The following HS6ST1 variants were observed in gnomAD, a reference collection of about 807,000 sequenced individuals.
The protein encoded by HS6ST1 is heparan-sulfate 6-O-sulfotransferase 1.
HS6ST1 carries 3 observed loss-of-function variants against 25.2 expected under a neutral mutation model. The observed-to-expected ratio is 0.12, with a 90% confidence interval of 0.05 to 0.31. The LOEUF is 0.31. Among genes scored for constraint, HS6ST1 ranks in the 10% least tolerant of loss-of-function variants. The pLI, the probability that HS6ST1 is intolerant of heterozygous loss-of-function variation, is 1.00. For missense variants in HS6ST1, 310 were observed against 609.6 expected, an observed-to-expected ratio of 0.51 and a Z score of 5.18; for synonymous variants, 204 against 275.1, an observed-to-expected ratio of 0.74 and a Z score of 2.56.
intron 1 of HS6ST1, among the ~76,000 whole-genome samples, chr2:128,305,924 G>T (rs1467335756): frequency 6.6e-6 from 1 of 152,184 alleles, no homozygotes; most frequent in African/African-American, 2.4e-5. Context: ...GCACTGTGGC[G>T]GACATGAGCC....
At chr2:128,276,593 A>G (rs555216681) in intron 1 of HS6ST1, among the ~76,000 whole-genome samples, 2 of 152,258 alleles carry the variant, frequency 1.3e-5, no homozygotes, top group East Asian at 1.9e-4. Context: ...ACAGGTGTTC[A>G]CTGTTATCCT....
intron 1 of HS6ST1, among the ~76,000 whole-genome samples, chr2:128,274,157 G>A (rs1012257084): frequency 2.0e-5 from 3 of 152,204 alleles, no homozygotes; most frequent in Admixed American, 6.5e-5. Context: ...AAGGCTTCCA[G>A]AAAGAGGGGA....
rs912908436 is a variant in HS6ST1 at position 128,266,454 on chromosome 2, C to T, written c.*1708G>A. ...CCCTGTTGACCATCCTGTCCTTGGA[C>T]CCCAAAGTAAAATGGGGCCAGTGTA... On this transcript the variant is annotated 3_prime_UTR_variant, in exon 2 of 2. Transcript: ENST00000259241. The T allele has an allele frequency of 9.2e-5, 14 of 152,226 alleles. No individual in the cohort carries two copies. Among genetic ancestry groups the T allele is most frequent in the African/African-American group, 3.4e-4 (14 of 41,470 alleles). The allele number at this position is 152,226 out of a possible 1,614,324, so 9.4% of individuals were successfully genotyped here.
At chr2:128,305,632 C>A (rs895721454) in intron 1 of HS6ST1, among the ~76,000 whole-genome samples, 10 of 152,242 alleles carry the variant, frequency 6.6e-5, no homozygotes, top group African/African-American at 2.4e-4. Flanking sequence ...GGCCTACCTT[C>A]TCCCCGGCTT....
chr2:128,266,457 CAAA>C lies in HS6ST1; in HGVS notation c.*1702_*1704del, dbSNP rs1693515897. ...TGTTGACCATCCTGTCCTTGGACCC[CAAA>C]GTAAAATGGGGCCAGTGTAGGAGAC... On this transcript the variant is annotated 3_prime_UTR_variant, in exon 2 of 2. Transcript: ENST00000259241. 2 of 152,222 alleles carry C rather than the reference CAAA, an allele frequency of 1.3e-5. No homozygotes were observed. The highest frequency in any genetic ancestry group is 4.8e-5 in the African/African-American group (2 of 41,454). The allele number at this position is 152,222 out of a possible 1,614,324, so 9.4% of individuals were successfully genotyped here.
chr2:128,292,359 G>A (rs1693967086), intron 1 of HS6ST1, among the ~76,000 whole-genome samples: 1 of 152,244 alleles, frequency 6.6e-6, no homozygotes, highest in Admixed American at 6.5e-5. Context: ...GGTGGGCCCT[G>A]TGTTCCACGC....
chr2:128,267,772 T>C lies in HS6ST1; in HGVS notation c.*390A>G. ...ACAGAGGAGCTAAGAGCGAGTGCTG[T>C]GTGCATAGTTGGTGAGGGACACACT... On this transcript the variant is annotated 3_prime_UTR_variant, in exon 2 of 2. Coordinates refer to ENST00000259241, the MANE Select transcript of HS6ST1 (RefSeq NM_004807.3). 3.4e-6 allele frequency: 1 copy of C among 298,048 alleles called. No homozygotes were observed. The highest frequency in any genetic ancestry group is 6.4e-6 in the Non-Finnish European group (1 of 157,400). 18.5% of individuals were successfully genotyped at this position (298,048 alleles called of 1,614,324 possible).
intron 1 of HS6ST1, among the ~76,000 whole-genome samples, chr2:128,289,394 G>A (rs771158505): frequency 1.2e-4 from 18 of 152,078 alleles, no homozygotes; most frequent in Admixed American, 6.6e-5. Flanking sequence ...CGGTACGGTC[G>A]CCACTATTAG....
chr2:128,289,487 T>G (rs954293711), intron 1 of HS6ST1, among the ~76,000 whole-genome samples: 1 of 152,204 alleles, frequency 6.6e-6, no homozygotes, highest in Non-Finnish European at 1.5e-5. Flanking sequence ...TCTGACTTCA[T>G]AGGCCACAAG....
At chr2:128,276,020 A>G (rs1180560750) in intron 1 of HS6ST1, among the ~76,000 whole-genome samples, 1 of 152,232 alleles carries the variant, frequency 6.6e-6, no homozygotes, top group South Asian at 2.1e-4. Flanking sequence ...GGTGACGAAG[A>G]AGGCACTGCA....
At chr2:128,287,363 C>A (rs552746050) in intron 1 of HS6ST1, among the ~76,000 whole-genome samples, 1 of 152,276 alleles carries the variant, frequency 6.6e-6, no homozygotes, top group South Asian at 2.1e-4. Context: ...GGACAGCTGC[C>A]CCCCCTACTC....
At chr2:128,269,609 G>A (rs758615870) in intron 1 of HS6ST1, among the ~76,000 whole-genome samples, 1 of 152,364 alleles carries the variant, frequency 6.6e-6, no homozygotes, top group East Asian at 1.9e-4. Context: ...TGGGTAAAAC[G>A]TGGTGGCGGC....
At chr2:128,276,479 T>G (rs1693696595) in intron 1 of HS6ST1, among the ~76,000 whole-genome samples, 1 of 152,054 alleles carries the variant, frequency 6.6e-6, no homozygotes, top group South Asian at 2.1e-4. Context: ...AAAATTCAAG[T>G]CAGAGGCTAG....
At chr2:128,309,536 C>T (rs920893464) in intron 1 of HS6ST1, among the ~76,000 whole-genome samples, 3 of 152,242 alleles carry the variant, frequency 2.0e-5, no homozygotes, top group Non-Finnish European at 2.9e-5. Flanking sequence ...CCATGACCAC[C>T]GGGGGCGGTC....
chr2:128,285,107 G>A (rs1693840996), intron 1 of HS6ST1, among the ~76,000 whole-genome samples: 1 of 152,164 alleles, frequency 6.6e-6, no homozygotes. Context: ...CCTACTGCGT[G>A]CTCTAGGTCG....
At chr2:128,288,610 G>C (rs2104922793) in intron 1 of HS6ST1, among the ~76,000 whole-genome samples, 1 of 152,266 alleles carries the variant, frequency 6.6e-6, no homozygotes, top group Admixed American at 6.5e-5. Flanking sequence ...CCTGGGCCTA[G>C]TGCCCTGGGC....
intron 1 of HS6ST1, among the ~76,000 whole-genome samples, chr2:128,306,352 G>C (rs1330053035): frequency 6.6e-6 from 1 of 152,060 alleles, no homozygotes; most frequent in Admixed American, 6.5e-5. Flanking sequence ...GGATTCCAGG[G>C]AGAACGCAGC....
At chr2:128,293,870 A>G (rs374611932) in intron 1 of HS6ST1, among the ~76,000 whole-genome samples, 2 of 152,218 alleles carry the variant, frequency 1.3e-5, no homozygotes, top group African/African-American at 4.8e-5. Flanking sequence ...TCCTGTGGTC[A>G]GCCTCTAAGT....
At chr2:128,315,801 T>C (rs1299310007) in intron 1 of HS6ST1, among the ~76,000 whole-genome samples, 2 of 152,168 alleles carry the variant, frequency 1.3e-5, no homozygotes, top group Non-Finnish European at 2.9e-5. Context: ...AAAGGCAAGA[T>C]TACCTTGGCC....
Sources: gnomAD v4.1 joint callset for allele counts (sites outside exome capture counted in the v4.1 genomes callset) on GRCh38, gnomAD v4.1.1 for gene constraint, MANE v1.5 for transcripts, NCBI Gene and HGNC (gene_info 2026-07-23, HGNC 2026-07-21) for gene names.